USP50: variants seen among roughly 807,000 people sequenced by gnomAD.
The protein encoded by USP50 is ubiquitin carboxyl-terminal hydrolase 50.
In USP50, 37 loss-of-function variants were observed where a neutral mutation model predicts 39.2. The observed-to-expected ratio is 0.94, with a 90% CI of 0.73 to 1.24. The LOEUF is 1.24. USP50 is among the 50% of genes most tolerant of loss of function. The pLI is 0.00. For synonymous variants in USP50, 139 were observed against 144.5 expected, an observed-to-expected ratio of 0.96 and a Z score of 0.27; for missense variants, 374 against 398.2, an observed-to-expected ratio of 0.94 and a Z score of 0.52.
At position 50,500,758 on chromosome 15, in the gene USP50, T is replaced by C. The variant is rs921880233; in HGVS notation, c.*11A>G. 7.6e-6 allele frequency: 12 copies of C among 1,580,892 alleles called. No individual in the cohort carries two copies. The highest frequency in any genetic ancestry group is 4.0e-5 in the African/African-American group (3 of 74,384). The stretch of plus-strand genomic sequence containing the variant: ...TGGAATCTCACTGACTCGTGTGTTA[T>C]CAAAGCTATATCAGGCCTGGGTGAC... On this transcript the variant is annotated 3_prime_UTR_variant, in exon 7 of 7. Transcript: ENST00000532404.
intron 6 of USP50, chr15:50,507,276 C>G (rs1320970865): frequency 6.6e-6 from 1 of 152,476 alleles, no homozygotes; most frequent in East Asian, 1.9e-4. Flanking sequence ...GAGTGAGACT[C>G]TGTCTCTAAA....
Position 50,529,883 on chromosome 15 carries a change from G to A in USP50, c.850C>T (p.His284Tyr). The A allele has an allele frequency of 6.2e-7, 1 of 1,613,998 alleles. No individual in the cohort carries two copies. The change falls in exon 6 of 7, where the codon CAT becomes TAT. Residue 284 changes from histidine to tyrosine, a missense_variant. His to Tyr is a moderately conservative substitution (Grantham distance 83). Transcript: ENST00000532404. Reference sequence around the variant, plus strand: ...AGGTCCAAGTTAGTGAGTGGGTAATGAATATCCGTTCTCAGCTTCCTTTTT... The same window carrying A: ...AGGTCCAAGTTAGTGAGTGGGTAATAAATATCCGTTCTCAGCTTCCTTTTT... Reference protein sequence around the residue: ...TTKRKLRTDIHYPLTNLDLTP... With the variant: ...TTKRKLRTDIYYPLTNLDLTP...
rs2141383036 is a variant in USP50 at position 50,544,882 on chromosome 15, A to T, written c.54-101T>A. On this transcript the variant is annotated intron_variant, in intron 1 of 6. Transcript: ENST00000532404. ...TATTATGAAATAAAGAAGAGTTCTT[A>T]ATAAGACTTCCTCCAAACACATTCC... 6.1e-6 allele frequency: 7 copies of T among 1,155,058 alleles called. No homozygotes were observed. In the South Asian group the frequency reaches 1.0e-4, roughly 16 times the overall value. 71.6% of individuals were successfully genotyped at this position (1,155,058 alleles called of 1,614,324 possible).
intron 6 of USP50, chr15:50,514,171 A>T (rs1267372438): frequency 6.6e-6 from 1 of 152,214 alleles, no homozygotes; most frequent in Non-Finnish European, 1.5e-5. Context: ...AAAAGGATAT[A>T]CTGTACAATT....
intron 6 of USP50, chr15:50,510,600 T>G (rs1225276276): frequency 1.3e-5 from 2 of 152,228 alleles, no homozygotes; most frequent in African/African-American, 4.8e-5. Context: ...TAAGGGATTA[T>G]TTTGATCTAT....
chr15:50,493,866 C>T, downstream of USP50: 2 of 725,348 alleles, frequency 2.8e-6, no homozygotes, highest in Non-Finnish European at 4.9e-6. Context: ...CCATGCAGGG[C>T]TTGCAGCCAA....
chr15:50,535,717 C>T (rs926536261), intron 5 of USP50, among the ~76,000 whole-genome samples: 2 of 152,118 alleles, frequency 1.3e-5, no homozygotes, highest in African/African-American at 4.8e-5. Flanking sequence ...AGTTCAAGAC[C>T]AGCCTAGGCA....
intron 4 of USP50, among the ~76,000 whole-genome samples, chr15:50,540,634 A>G (rs936027246): frequency 1.4e-4 from 21 of 152,000 alleles, no homozygotes; most frequent in African/African-American, 4.8e-4. Context: ...TTATTTATTT[A>G]CTTATTTGAG....
chr15:50,539,786 G>A (rs1220711668), intron 4 of USP50, among the ~76,000 whole-genome samples: 2 of 152,180 alleles, frequency 1.3e-5, no homozygotes, highest in Non-Finnish European at 2.9e-5. Context: ...ATGATCCGGT[G>A]ACAAAAATGA....
Position 50,533,700 on chromosome 15 carries a change from T to G in USP50, c.804-3771A>C, listed in dbSNP as rs192578325. Among the ~76,000 whole-genome samples the G allele has an allele frequency of 1.1e-3, 169 of 152,286 alleles. 1 individual carries two copies. The highest frequency in any genetic ancestry group is 3.9e-3 in the African/African-American group (162 of 41,578). ...GAATTTTTTGCCAGTAGACCTGCCT[T>G]GCAAGAATGTTAAAAGAGGTCTGGC... is the stretch of plus-strand genomic sequence containing the variant. On this transcript the variant is annotated intron_variant, in intron 5 of 6. Coordinates refer to ENST00000532404, the MANE Select transcript of USP50 (RefSeq NM_203494.5).
rs192371783 is a variant in USP50 at position 50,509,815 on chromosome 15, G to A, written c.937-8978C>T. ...TAGATGAAATAGACAAATATCTGGA[G>A]AATAAGTTACCAAAATGACTGAAGA... On this transcript the variant is annotated intron_variant, in intron 6 of 6. Coordinates refer to ENST00000532404, the MANE Select transcript of USP50 (RefSeq NM_203494.5). 3.3e-5 allele frequency: 5 copies of A among 152,214 alleles called. No individual in the cohort carries two copies. The East Asian group carries it at 9.6e-4, about 29-fold the overall frequency. The allele number at this position is 152,214 out of a possible 1,614,324, so 9.4% of individuals were successfully genotyped here.
At chr15:50,493,032 T>A, downstream of USP50, 1 of 1,058,448 alleles carries the variant, frequency 9.4e-7, no homozygotes, top group Non-Finnish European at 1.4e-6. Flanking sequence ...AGATAATTTG[T>A]AAAGAACAAA....
intron 5 of USP50, among the ~76,000 whole-genome samples, chr15:50,530,643 T>C (rs1470874241): frequency 6.6e-6 from 1 of 152,052 alleles, no homozygotes; most frequent in African/African-American, 2.4e-5. Flanking sequence ...TACAGACTTA[T>C]AAATTACTTT....
downstream of USP50, chr15:50,498,977 G>T (rs2052518452): frequency 6.2e-7 from 1 of 1,613,860 alleles, no homozygotes; most frequent in African/African-American, 1.3e-5. Flanking sequence ...GGTGGTTTAA[G>T]TTTGATGATC....
At chr15:50,521,953 G>C (rs2052854522) in intron 6 of USP50, among the ~76,000 whole-genome samples, 1 of 152,100 alleles carries the variant, frequency 6.6e-6, no homozygotes, top group Non-Finnish European at 1.5e-5. Context: ...AATAGAACGA[G>C]ACTCCATCTC....
intron 6 of USP50, among the ~76,000 whole-genome samples, chr15:50,522,074 G>A (rs1196842760): frequency 6.6e-6 from 1 of 152,096 alleles, no homozygotes; most frequent in Non-Finnish European, 1.5e-5. Flanking sequence ...TAGTCTAGAA[G>A]AAATGTATAA....
intron 6 of USP50, among the ~76,000 whole-genome samples, chr15:50,527,650 T>C (rs2141369302): frequency 6.6e-6 from 1 of 151,998 alleles, no homozygotes; most frequent in East Asian, 1.9e-4. Context: ...TGTTGTTTTT[T>C]TTTTTTTGAG....
At position 50,544,737 on chromosome 15, in the gene USP50, G is replaced by A. The variant is rs1436902577; in HGVS notation, c.98C>T (p.Ala33Val). Residue 33 changes from alanine (A) to valine (V), a missense_variant, in exon 2 of 7, where the codon GCT (alanine) becomes GTT (valine). Ala to Val is a moderately conservative substitution (Grantham distance 64). Coordinates refer to ENST00000532404, the MANE Select transcript of USP50 (RefSeq NM_203494.5). ...DYYDTLPVKE[A>V]DGNQPHFQGV... ...CTGAAAATGGGGCTGGTTCCCATCA[G>A]CCTCCTTAACTGGAAGGGTATCATA... 3 of 1,614,034 alleles carry A rather than the reference G, an allele frequency of 1.9e-6. No individual in the cohort carries two copies. The highest frequency in any genetic ancestry group is 4.5e-5 in the East Asian group (2 of 44,892).
At chr15:50,521,123 C>A (rs748509558) in intron 6 of USP50, among the ~76,000 whole-genome samples, 31 of 152,304 alleles carry the variant, frequency 2.0e-4, no homozygotes, top group African/African-American at 3.4e-4. Flanking sequence ...CTCACTGCAA[C>A]CTCCACCTCC....
Sources: gnomAD v4.1 joint callset for allele counts (sites outside exome capture counted in the v4.1 genomes callset) on GRCh38, gnomAD v4.1.1 for gene constraint, MANE v1.5 for transcripts, NCBI Gene and HGNC (gene_info 2026-07-23, HGNC 2026-07-21) for gene names.